ADAM12: variants seen among roughly 807,000 people sequenced by gnomAD.
The protein encoded by ADAM12 is ADAM metallopeptidase domain 12, also known as disintegrin and metalloproteinase domain-containing protein 12.
Under a neutral mutation model 106.4 loss-of-function variants are expected in ADAM12, and 70 were observed. The ratio of observed to expected loss-of-function variants is 0.66; its 90% CI spans 0.54 to 0.80. The LOEUF (loss-of-function observed/expected upper bound fraction) is 0.80. ADAM12 is among the 30% of genes least tolerant of loss of function. The pLI is 0.00. For synonymous variants in ADAM12, 420 were observed against 433.5 expected (o/e 0.97, Z 0.39); for missense variants, 1,010 against 1,171.9 (o/e 0.86, Z 2.02).
intron 1 of ADAM12, among the ~76,000 whole-genome samples, chr10:126,345,458 T>A (rs181907953): frequency 6.6e-6 from 1 of 152,078 alleles, no homozygotes; most frequent in Admixed American, 6.5e-5. Context: ...GCATTGATTT[T>A]ATCAGGGATA....
intron 2 of ADAM12, among the ~76,000 whole-genome samples, chr10:126,293,968 A>G (rs928686626): frequency 6.6e-6 from 1 of 152,228 alleles, no homozygotes; most frequent in East Asian, 1.9e-4. Context: ...ACTCACAAAC[A>G]CTGTCTACCC....
intron 3 of ADAM12, among the ~76,000 whole-genome samples, chr10:126,165,483 T>C (rs1283916380): frequency 6.6e-6 from 1 of 152,234 alleles, no homozygotes; most frequent in African/African-American, 2.4e-5. Context: ...GATACGCACT[T>C]CCTTACTTTA....
intron 3 of ADAM12, among the ~76,000 whole-genome samples, chr10:126,207,743 T>C (rs1957822618): frequency 6.6e-6 from 1 of 152,250 alleles, no homozygotes; most frequent in South Asian, 2.1e-4. Flanking sequence ...ACAGCTGCTG[T>C]TATTTATTTA....
rs1955659080 is a variant in ADAM12, at chr10:126,101,165, C to T, written c.818G>A (p.Ser273Asn). ...ATGGAGGCTGGTGAATGGGTCCTGA[C>T]TTACAGAGCATTTGTCCATGTCATT... ...VWNDMDKCSV[S>N]QDPFTSLHEF... The change falls in exon 9 of 23, where the codon AGT becomes AAT. Residue 273 changes from serine to asparagine, a missense_variant. Around this residue, in one of 3 missense-constraint regions of ADAM12, gnomAD observed 391 missense variants for 442.9 expected, o/e 0.88. Transcript: ENST00000448723. 6.2e-7 allele frequency: 1 copy of T among 1,614,162 alleles called. No homozygotes were observed. The highest frequency in any genetic ancestry group is 8.5e-7 in the Non-Finnish European group (1 of 1,180,030).
chr10:126,367,880 C>T (rs1013568474), intron 1 of ADAM12, among the ~76,000 whole-genome samples: 11 of 151,834 alleles, frequency 7.2e-5, no homozygotes, highest in Admixed American at 5.9e-4. Context: ...CAATCTTATA[C>T]GAACTCTTTC....
intron 5 of ADAM12, among the ~76,000 whole-genome samples, chr10:126,131,564 T>C (rs1355381783): frequency 6.6e-6 from 1 of 152,220 alleles, no homozygotes; most frequent in East Asian, 1.9e-4. Flanking sequence ...GGAAGCCCCA[T>C]GATGGGATTC....
chr10:126,028,699 A>G (rs1953921415), intron 21 of ADAM12, among the ~76,000 whole-genome samples: 1 of 152,152 alleles, frequency 6.6e-6, no homozygotes, highest in African/African-American at 2.4e-5. Context: ...AACTATAAAA[A>G]CCTTAGGAGA....
chr10:126,334,347 GA>G (rs1373360132), intron 1 of ADAM12, among the ~76,000 whole-genome samples: 2 of 152,170 alleles, frequency 1.3e-5, no homozygotes, highest in African/African-American at 4.8e-5. Flanking sequence ...AAGAAATGTG[GA>G]TAGATTATAC....
chr10:126,287,583 A>C (rs1191082894), intron 2 of ADAM12, among the ~76,000 whole-genome samples: 1 of 151,930 alleles, frequency 6.6e-6, no homozygotes, highest in Non-Finnish European at 1.5e-5. Context: ...CACGCTGTGA[A>C]GGCTCTGGCG....
chr10:126,170,456 C>T (rs554453314), intron 3 of ADAM12, among the ~76,000 whole-genome samples: 14 of 151,390 alleles, frequency 9.2e-5, no homozygotes, highest in African/African-American at 3.2e-4. Flanking sequence ...GGGGGGGAGT[C>T]CCTGTGTGTG....
intron 14 of ADAM12, among the ~76,000 whole-genome samples, chr10:126,061,089 A>T (rs1309855895): frequency 6.6e-6 from 1 of 152,106 alleles, no homozygotes; most frequent in Non-Finnish European, 1.5e-5. Context: ...TTCCACGGCA[A>T]CCTTGTCTTC....
intron 3 of ADAM12, chr10:126,273,464 G>A (rs1416415953): frequency 6.6e-6 from 1 of 152,076 alleles, no homozygotes; most frequent in African/African-American, 2.4e-5. Flanking sequence ...AAAAAAAGAT[G>A]GTGGGTGGGG....
Position 126,043,148 on chromosome 10 carries a change from C to G in ADAM12, c.1996G>C (p.Val666Leu), listed in dbSNP as rs773209786. 4.2e-5 allele frequency: 68 copies of G among 1,613,866 alleles called. No individual in the cohort carries two copies. Among genetic ancestry groups the G allele is most frequent in the Non-Finnish European group, 5.6e-5 (66 of 1,179,918 alleles). The change falls in exon 18 of 23, where the codon GTG becomes CTG. Residue 666 changes from valine (V) to leucine (L), a missense_variant and splice_region_variant. Transcript: ENST00000448723. The surrounding 1 kb of genome is among the most constrained non-coding windows in gnomAD (Gnocchi z 4.1). ...ECAMQCHGRG[V>L]CNNRKNCHCE... The stretch of plus-strand genomic sequence containing the variant: ...TGGCAGTTCTTCCTGTTGTTGCACA[C>G]CTTTCAGGGCAGAGGGGAGGGACGT...
intron 3 of ADAM12, among the ~76,000 whole-genome samples, chr10:126,252,930 G>T (rs1958815332): frequency 6.6e-6 from 1 of 152,110 alleles, no homozygotes; most frequent in Non-Finnish European, 1.5e-5. Context: ...AAGGGACAAA[G>T]GTGGCACTTG....
At chr10:126,088,637 G>A (rs1278369) in intron 11 of ADAM12, among the ~76,000 whole-genome samples, 91,208 of 151,168 alleles carry the variant, frequency 0.6, 27,638 homozygotes, top group South Asian at 0.68. Context: ...TTGAACCTGG[G>A]AGACAGAGGT....
chr10:126,148,560 T>C (rs527373761), intron 4 of ADAM12, among the ~76,000 whole-genome samples: 35 of 152,160 alleles, frequency 2.3e-4, no homozygotes, highest in Non-Finnish European at 4.0e-4. Context: ...TTCAAAGGAA[T>C]GGGGGAAGGG....
In ADAM12 at chr10:126,388,351, C is replaced by CGTGCGT. The variant is rs1856757811; in HGVS notation, c.-212_-207dup. On this transcript the variant is annotated 5_prime_UTR_variant, in exon 1 of 23. Coordinates refer to ENST00000448723, the MANE Select transcript of ADAM12 (RefSeq NM_001288973.2). This position sits in a 1 kb window ranked among gnomAD's most constrained non-coding sequence, Gnocchi z 4.4. ...AAAAAAGTTTCCCCCCGTGTGTGTGCGTGCGTGCGCGCGCGCGCGCCGTTC... is the reference window on the plus strand; with the variant it reads ...AAAAAAGTTTCCCCCCGTGTGTGTGCGTGCGTGTGCGTGCGCGCGCGCGCGCCGTTC... 2 of 703,108 alleles carry CGTGCGT rather than the reference C, an allele frequency of 2.8e-6. No individual in the cohort carries two copies. Among genetic ancestry groups the CGTGCGT allele is most frequent in the South Asian group, 1.4e-4 (2 of 13,922 alleles). 43.6% of individuals were successfully genotyped at this position (703,108 alleles called of 1,614,324 possible).
At chr10:126,215,348 T>C (rs1957969265) in intron 3 of ADAM12, among the ~76,000 whole-genome samples, 1 of 152,176 alleles carries the variant, frequency 6.6e-6, no homozygotes, top group South Asian at 2.1e-4. Context: ...TCCTGTGGCC[T>C]CTCCCTGGCT....
intron 2 of ADAM12, among the ~76,000 whole-genome samples, chr10:126,313,002 A>T (rs1390838387): frequency 2.0e-5 from 3 of 152,248 alleles, no homozygotes; most frequent in Admixed American, 1.3e-4. Context: ...TGAAGAGACA[A>T]CATCACACGT....
Sources: allele counts gnomAD v4.1 joint callset (sites outside exome capture counted in the v4.1 genomes callset), GRCh38; gene constraint gnomAD v4.1.1; regional missense constraint gnomAD v4.1.1; non-coding constraint Gnocchi (gnomAD v3.1); transcripts MANE v1.5; gene names NCBI Gene and HGNC (gene_info 2026-07-23, HGNC 2026-07-21).